Variants in OSBPL1A observed in about 807,000 individuals in gnomAD.
OSBPL1A encodes oxysterol binding protein like 1A, also known as oxysterol-binding protein-related protein 1.
OSBPL1A carries 80 observed loss-of-function variants against 137.1 expected under a neutral mutation model. The ratio of observed to expected loss-of-function variants is 0.58; its 90% CI spans 0.49 to 0.70. OSBPL1A has a LOEUF of 0.70. Among genes scored for constraint, OSBPL1A ranks in the 30% least tolerant of loss-of-function variants. The probability of loss-of-function intolerance (pLI) is 0.00; values close to 1 mark genes in which losing one functional copy is unlikely to be tolerated. For missense variants in OSBPL1A, 970 were observed against 1,129.4 expected, an observed-to-expected ratio of 0.86 and a Z score of 2.02; for synonymous variants, 365 against 389.7, an observed-to-expected ratio of 0.94 and a Z score of 0.75.
chr18:24,283,809 T>C (rs2090012639), intron 14 of OSBPL1A, among the ~76,000 whole-genome samples: 1 of 152,166 alleles, frequency 6.6e-6, no homozygotes, highest in South Asian at 2.1e-4. Context: ...ATCATCCTGT[T>C]TTTGTCTGTT....
chr18:24,277,378 A>G (rs2089865816), intron 15 of OSBPL1A, among the ~76,000 whole-genome samples: 1 of 152,238 alleles, frequency 6.6e-6, no homozygotes, highest in Admixed American at 6.5e-5. Flanking sequence ...CTGCCATCAA[A>G]AAAGACTAGA....
At chr18:24,347,027 G>T (rs939753459) in intron 4 of OSBPL1A, among the ~76,000 whole-genome samples, 2 of 151,924 alleles carry the variant, frequency 1.3e-5, no homozygotes, top group Non-Finnish European at 2.9e-5. Flanking sequence ...TGAGATTACA[G>T]ATGTGAGCCA....
Position 24,239,731 on chromosome 18 carries a change from TA to T in OSBPL1A, c.1282-350del, listed in dbSNP as rs570912567. Among the ~76,000 whole-genome samples the T allele has an allele frequency of 4.2e-4, 64 of 151,574 alleles. 1 individual carries two copies. In the South Asian group the frequency reaches 0.012, roughly 28 times the overall value. On this transcript the variant is annotated intron_variant, in intron 15 of 27. Coordinates refer to ENST00000319481, the MANE Select transcript of OSBPL1A (RefSeq NM_080597.4). ...TCTCTCTCAACATTAAGTACACAGTTAAAAAAAACAGTTTCAGCAAGTCTTG... is the reference window on the plus strand; with the variant it reads ...TCTCTCTCAACATTAAGTACACAGTTAAAAAAACAGTTTCAGCAAGTCTTG...
intron 12 of OSBPL1A, 34 bp from the exon 13 acceptor site, chr18:24,312,140 A>G: frequency 6.2e-7 from 1 of 1,609,540 alleles, no homozygotes; most frequent in East Asian, 2.2e-5. Flanking sequence ...TGAGAGTGAA[A>G]AGCATTTTTA....
chr18:24,223,656 T>C, intron 17 of OSBPL1A, among the ~76,000 whole-genome samples: 1 of 152,266 alleles, frequency 6.6e-6, no homozygotes, highest in East Asian at 1.9e-4. Flanking sequence ...TATAATATAA[T>C]TCTGTCAAAT....
At position 24,212,221 on chromosome 18, in the gene OSBPL1A, C is replaced by T. The variant is rs187463005; in HGVS notation, c.1601+12821G>A. On this transcript the variant is annotated intron_variant, in intron 17 of 27. Transcript: ENST00000319481. ...TAGCTAGGACTAAAGGCGCACACCA[C>T]CACACCTGGCTAATTTTTTTTTTTT... Among the ~76,000 whole-genome samples, 197 of 151,324 alleles carry T rather than the reference C, an allele frequency of 1.3e-3. 1 individual carries two copies. The highest frequency in any genetic ancestry group is 4.4e-3 in the African/African-American group (183 of 41,394).
intron 3 of OSBPL1A, 28 bp downstream of exon 3, chr18:24,368,259 T>A (rs748321854): frequency 2.7e-6 from 4 of 1,508,930 alleles, no homozygotes; most frequent in Non-Finnish European, 3.7e-6. Flanking sequence ...TTTACTGTAG[T>A]CATTAAAAAT....
chr18:24,343,734 A>T (rs2091303959), intron 4 of OSBPL1A, among the ~76,000 whole-genome samples: 1 of 152,212 alleles, frequency 6.6e-6, no homozygotes, highest in Non-Finnish European at 1.5e-5. Flanking sequence ...CAGTCTTTTC[A>T]AAAAATGGTA....
intron 15 of OSBPL1A, among the ~76,000 whole-genome samples, chr18:24,250,036 GA>G (rs1186894020): frequency 3.9e-5 from 6 of 152,160 alleles, no homozygotes; most frequent in African/African-American, 9.7e-5. Flanking sequence ...GCGAAGAGTA[GA>G]GAGGACTTTG....
At chr18:24,321,021 T>G (rs1402656471) in intron 7 of OSBPL1A, among the ~76,000 whole-genome samples, 1 of 126,200 alleles carries the variant, frequency 7.9e-6, no homozygotes, top group Admixed American at 7.8e-5. Context: ...AGAGCAAGAC[T>G]TCGTCTCAAA....
chr18:24,277,860 T>A (rs2089879093), intron 15 of OSBPL1A, among the ~76,000 whole-genome samples: 1 of 152,252 alleles, frequency 6.6e-6, no homozygotes, highest in African/African-American at 2.4e-5. Flanking sequence ...GGATTCTAAG[T>A]GTTTCATGGA....
chr18:24,223,728 C>T (rs2087969057), intron 17 of OSBPL1A, among the ~76,000 whole-genome samples: 1 of 152,076 alleles, frequency 6.6e-6, no homozygotes. Flanking sequence ...TCCTGACAAG[C>T]AATAAAGAAA....
chr18:24,319,799 T>C (rs2090809543), intron 7 of OSBPL1A, among the ~76,000 whole-genome samples: 1 of 152,044 alleles, frequency 6.6e-6, no homozygotes, highest in African/African-American at 2.4e-5. Context: ...CAAAACAACA[T>C]ATCAATGAGA....
intron 17 of OSBPL1A, among the ~76,000 whole-genome samples, chr18:24,211,213 T>G (rs890984782): frequency 1.3e-5 from 2 of 151,848 alleles, no homozygotes; most frequent in South Asian, 4.2e-4. Context: ...GCAATCCACC[T>G]GCCTCGGCCT....
At chr18:24,318,726 A>C (rs1308277111) in intron 8 of OSBPL1A, 22 bp downstream of exon 8, 1 of 1,602,924 alleles carries the variant, frequency 6.2e-7, no homozygotes, top group Non-Finnish European at 8.5e-7. Context: ...TTATTAGATA[A>C]ATTTAATTCA....
Position 24,219,409 on chromosome 18 carries a change from T to C in OSBPL1A, c.1601+5633A>G, listed in dbSNP as rs189355203. ...GAATCAAGGGTTCATTATATTATTC[T>C]ACTTGTAGGCATGCTTGAAAATTTC... is the stretch of plus-strand genomic sequence containing the variant. On this transcript the variant is annotated intron_variant, in intron 17 of 27. Transcript: ENST00000319481. 2.5e-3 allele frequency among the ~76,000 whole-genome samples: 381 copies of C among 152,334 alleles called. 2 individuals carry two copies. The highest frequency in any genetic ancestry group is 8.7e-3 in the African/African-American group (363 of 41,578).
chr18:24,368,001 C>A, intron 3 of OSBPL1A: 1 of 214,644 alleles, frequency 4.7e-6, no homozygotes, highest in Non-Finnish European at 9.1e-6. Context: ...ATTTTTTCAA[C>A]TGTCACACTC....
intron 14 of OSBPL1A, among the ~76,000 whole-genome samples, chr18:24,300,932 G>A (rs1345148959): frequency 1.3e-5 from 2 of 152,020 alleles, no homozygotes; most frequent in Non-Finnish European, 2.9e-5. Flanking sequence ...ATCCTACCAC[G>A]TCAGCCTCTC....
At chr18:24,169,828 CT>C (rs2145907691) in intron 24 of OSBPL1A, among the ~76,000 whole-genome samples, 1 of 152,342 alleles carries the variant, frequency 6.6e-6, no homozygotes, top group Non-Finnish European at 1.5e-5. Flanking sequence ...TGGGATTTAA[CT>C]ATCCCACAAA....
Sources: allele counts gnomAD v4.1 joint callset (sites outside exome capture counted in the v4.1 genomes callset), GRCh38; gene constraint gnomAD v4.1.1; transcripts MANE v1.5; gene names NCBI Gene and HGNC (gene_info 2026-07-23, HGNC 2026-07-21).